PCTP: variants seen among roughly 807,000 people sequenced by gnomAD.
PCTP encodes phosphatidylcholine transfer protein, also known as START domain-containing protein 2.
In PCTP, 27 loss-of-function variants were observed where a neutral mutation model predicts 31.0. The observed-to-expected ratio is 0.87, with a 90% CI of 0.64 to 1.20. The LOEUF (loss-of-function observed/expected upper bound fraction) is 1.20, where lower values mean the gene tolerates loss of function less well. Among genes scored for constraint, PCTP ranks in the 50% most tolerant of loss-of-function variants. PCTP has a pLI of 0.00. For synonymous variants in PCTP, 108 were observed against 101.2 expected, an observed-to-expected ratio of 1.07 and a Z score of -0.40; for missense variants, 287 against 268.2, an observed-to-expected ratio of 1.07 and a Z score of -0.49.
chr17:55,805,520 G>C (rs1420273871), intron 3 of PCTP, among the ~76,000 whole-genome samples: 1 of 152,020 alleles, frequency 6.6e-6, no homozygotes, highest in African/African-American at 2.4e-5. Context: ...CCATGTTGCT[G>C]CAAAGGACAT....
intron 3 of PCTP, among the ~76,000 whole-genome samples, chr17:55,817,317 A>T (rs1172785471): frequency 6.6e-6 from 1 of 152,234 alleles, no homozygotes; most frequent in African/African-American, 2.4e-5. Flanking sequence ...GGCAAAAAGT[A>T]GCTGTGCTAA....
chr17:55,792,120 C>T (rs1385312989), intron 3 of PCTP, among the ~76,000 whole-genome samples: 2 of 131,162 alleles, frequency 1.5e-5, no homozygotes, highest in African/African-American at 6.0e-5. Flanking sequence ...AACACATGGA[C>T]ACAGGAAGGG....
intron 5 of PCTP, among the ~76,000 whole-genome samples, chr17:55,833,581 A>G (rs1290094095): frequency 6.6e-6 from 1 of 152,214 alleles, no homozygotes; most frequent in East Asian, 1.9e-4. Flanking sequence ...GACCAACAGC[A>G]TCAAATCACC....
downstream of PCTP, among the ~76,000 whole-genome samples, chr17:55,845,304 C>T (rs1024962117): frequency 1.3e-5 from 2 of 151,630 alleles, no homozygotes; most frequent in Non-Finnish European, 3.0e-5. Context: ...TCAAGATAAA[C>T]GGAACGTCCC....
chr17:55,818,562 G>A (rs1913006014), intron 3 of PCTP, among the ~76,000 whole-genome samples: 1 of 152,156 alleles, frequency 6.6e-6, no homozygotes, highest in Admixed American at 6.5e-5. Flanking sequence ...ACTTCATAGG[G>A]TTATTGTGAG....
chr17:55,831,061 A>G (rs965960957), intron 5 of PCTP, among the ~76,000 whole-genome samples: 8 of 152,190 alleles, frequency 5.3e-5, no homozygotes, highest in Non-Finnish European at 1.0e-4. Context: ...TTTTGCCCAA[A>G]TAGGAGAAGA....
chr17:55,798,631 A>G (rs1912264557), intron 3 of PCTP, among the ~76,000 whole-genome samples: 1 of 152,036 alleles, frequency 6.6e-6, no homozygotes, highest in African/African-American at 2.4e-5. Context: ...CTATACCCAG[A>G]AAAATATTCT....
chr17:55,797,138 C>T (rs1345192125), intron 3 of PCTP, among the ~76,000 whole-genome samples: 2 of 152,042 alleles, frequency 1.3e-5, no homozygotes, highest in East Asian at 3.9e-4. Flanking sequence ...TTCATTATCA[C>T]ACAGAAAAAC....
the PCTP span, among the ~76,000 whole-genome samples, chr17:55,849,519 A>C: frequency 9.1e-4 from 138 of 152,268 alleles, no homozygotes; most frequent in African/African-American, 3.0e-3. Flanking sequence ...GCTACTCAGG[A>C]GGCTGAGGCA....
chr17:55,809,829 C>G (rs1345463888), intron 3 of PCTP, among the ~76,000 whole-genome samples: 1 of 152,126 alleles, frequency 6.6e-6, no homozygotes, highest in Non-Finnish European at 1.5e-5. Context: ...CCAGAGTGTT[C>G]TTATTTTGCT....
chr17:55,774,966 G>A (rs986179355), intron 5 of PCTP, 107 bp downstream of exon 5: 29 of 1,211,490 alleles, frequency 2.4e-5, no homozygotes, highest in Middle Eastern at 2.7e-4. Flanking sequence ...TGTCTCAGGC[G>A]TAATGAGGCT....
intron 3 of PCTP, among the ~76,000 whole-genome samples, chr17:55,801,943 G>T (rs1912398501): frequency 1.3e-5 from 2 of 152,130 alleles, no homozygotes; most frequent in Admixed American, 6.6e-5. Flanking sequence ...TTTTTGAAAA[G>T]ATTAACAAAA....
chr17:55,790,876 G>T (rs1045552393), intron 3 of PCTP, among the ~76,000 whole-genome samples: 5 of 150,358 alleles, frequency 3.3e-5, no homozygotes, highest in Non-Finnish European at 5.9e-5. Flanking sequence ...AACAAAGCTG[G>T]AGGCATCACG....
rs779273446 is a variant in PCTP, at chr17:55,771,204, A to G, written c.339+19A>G. Reference sequence around the variant, plus strand: ...CAGAGACGTATCCTTTCCACAAGGTACTCATTCCCTGGCCCTCTAAGTGTT... The same window carrying G: ...CAGAGACGTATCCTTTCCACAAGGTGCTCATTCCCTGGCCCTCTAAGTGTT... On this transcript the variant is annotated intron_variant, in intron 3 of 5. Coordinates refer to ENST00000268896, the MANE Select transcript of PCTP (RefSeq NM_021213.4). 2.5e-6 allele frequency: 4 copies of G among 1,570,716 alleles called. No individual in the cohort carries two copies. The highest frequency in any genetic ancestry group is 2.2e-5 in the South Asian group (2 of 90,160).
Position 55,771,194 on chromosome 17 carries a change from T to C in PCTP, c.339+9T>C, listed in dbSNP as rs1336399816. 10 of 1,592,474 alleles carry C rather than the reference T, an allele frequency of 6.3e-6. No homozygotes were observed. In the South Asian group the frequency reaches 1.1e-4, roughly 18 times the overall value. On this transcript the variant is annotated intron_variant, in intron 3 of 5. Transcript: ENST00000268896. ...CCATGTCCAACAGAGACGTATCCTT[T>C]CCACAAGGTACTCATTCCCTGGCCC...
intron 5 of PCTP, among the ~76,000 whole-genome samples, chr17:55,840,954 C>T (rs910636854): frequency 6.6e-6 from 1 of 152,258 alleles, no homozygotes; most frequent in South Asian, 2.1e-4. Flanking sequence ...CCAAGAGTTT[C>T]GGATAAGGGA....
chr17:55,829,741 G>T (rs1456525263), intron 5 of PCTP, among the ~76,000 whole-genome samples: 2 of 151,274 alleles, frequency 1.3e-5, no homozygotes, highest in African/African-American at 4.9e-5. Context: ...GCTTGTAAAA[G>T]AACTTTCTAT....
chr17:55,837,643 C>T (rs1330119628), intron 5 of PCTP, among the ~76,000 whole-genome samples: 1 of 152,190 alleles, frequency 6.6e-6, no homozygotes, highest in Non-Finnish European at 1.5e-5. Flanking sequence ...CACCAGCTCT[C>T]ACTCCAAATC....
chr17:55,808,969 G>A (rs1332019733), intron 3 of PCTP, among the ~76,000 whole-genome samples: 1 of 151,696 alleles, frequency 6.6e-6, no homozygotes, highest in African/African-American at 2.4e-5. Flanking sequence ...TATCTGGTGA[G>A]GCAATGGTGT....
Sources: allele counts gnomAD v4.1 joint callset (sites outside exome capture counted in the v4.1 genomes callset), GRCh38; gene constraint gnomAD v4.1.1; transcripts MANE v1.5; gene names NCBI Gene and HGNC (gene_info 2026-07-23, HGNC 2026-07-21).